Variants in ANTXR1 observed in about 807,000 individuals in gnomAD.
ANTXR1 encodes anthrax toxin receptor 1.
Under a neutral mutation model 78.1 loss-of-function variants are expected in ANTXR1, and 19 were observed. The observed-to-expected ratio is 0.24, with a 90% CI of 0.17 to 0.36. The LOEUF (loss-of-function observed/expected upper bound fraction) is 0.36. Among genes scored for constraint, ANTXR1 ranks in the 10% least tolerant of loss-of-function variants. The pLI, the probability that ANTXR1 is intolerant of heterozygous loss-of-function variation, is 1.00. For synonymous variants in ANTXR1, 273 were observed against 260.5 expected (o/e 1.05, Z -0.46); for missense variants, 518 against 718.6 (o/e 0.72, Z 3.19).
intron 17 of ANTXR1, among the ~76,000 whole-genome samples, chr2:69,239,547 C>T (rs904131888): frequency 1.3e-5 from 2 of 151,708 alleles, no homozygotes; most frequent in Non-Finnish European, 2.9e-5. Flanking sequence ...AGTGAGACTC[C>T]ATCTCAAAAA....
chr2:69,174,248 G>C (rs1026181732), intron 14 of ANTXR1, among the ~76,000 whole-genome samples: 2 of 152,154 alleles, frequency 1.3e-5, no homozygotes, highest in Non-Finnish European at 2.9e-5. Flanking sequence ...AATGTTTTTT[G>C]ATATTTAAAA....
intron 1 of ANTXR1, among the ~76,000 whole-genome samples, chr2:69,017,764 A>G (rs1310156387): frequency 6.6e-6 from 1 of 152,134 alleles, no homozygotes; most frequent in African/African-American, 2.4e-5. Flanking sequence ...GGGGATTTGA[A>G]AAGTTAGATT....
At chr2:69,086,056 A>AT (rs1671038872) in intron 8 of ANTXR1, among the ~76,000 whole-genome samples, 1 of 152,252 alleles carries the variant, frequency 6.6e-6, no homozygotes, top group Non-Finnish European at 1.5e-5. Flanking sequence ...TGTGAAAGCA[A>AT]AAGACACCTA....
chr2:69,018,487 CT>C (rs1300569504), intron 1 of ANTXR1, among the ~76,000 whole-genome samples: 2 of 152,044 alleles, frequency 1.3e-5, no homozygotes, highest in Non-Finnish European at 2.9e-5. Context: ...TGGCTTTTTT[CT>C]GGGAAAATAT....
intron 15 of ANTXR1, among the ~76,000 whole-genome samples, chr2:69,182,235 G>T (rs1038832416): frequency 6.6e-6 from 1 of 152,130 alleles, no homozygotes; most frequent in Non-Finnish European, 1.5e-5. Flanking sequence ...ACCTGAACCT[G>T]CAAGGTCTTT....
chr2:69,129,430 T>C (rs1359335523), intron 12 of ANTXR1, among the ~76,000 whole-genome samples: 3 of 152,118 alleles, frequency 2.0e-5, no homozygotes, highest in Admixed American at 1.3e-4. Context: ...TAAAATCCAG[T>C]TGGAGAAAGA....
intron 3 of ANTXR1, among the ~76,000 whole-genome samples, chr2:69,059,104 T>C (rs536113364): frequency 6.6e-6 from 1 of 152,342 alleles, no homozygotes; most frequent in African/African-American, 2.4e-5. Context: ...CTGGTGAAGA[T>C]GCTATGAACA....
chr2:69,080,951 T>G (rs1269091379), intron 8 of ANTXR1, among the ~76,000 whole-genome samples: 1 of 152,186 alleles, frequency 6.6e-6, no homozygotes, highest in Admixed American at 6.5e-5. Flanking sequence ...TAGGAAACTA[T>G]AGCTAGGTAC....
In ANTXR1 at chr2:69,013,569, A is replaced by G; in HGVS notation, c.70A>G (p.Ile24Val). ...QWLSLATLVL[I>V]CAGQGGRRED... is the part of the protein sequence containing the mutation. ...GCTCTCTTTGGCCACTCTGGTGCTC[A>G]TCTGCGCCGGGCAAGGGGGACGCAG... Residue 24 changes from isoleucine (I) to valine (V), a missense_variant, in exon 1 of 18, where the codon ATC becomes GTC. Transcript: ENST00000303714. The surrounding 1 kb of genome is among the most constrained non-coding windows in gnomAD (Gnocchi z 5.0). 1 of 1,574,204 alleles carries G rather than the reference A, an allele frequency of 6.4e-7. No individual in the cohort carries two copies. The highest frequency in any genetic ancestry group is 8.6e-7 in the Non-Finnish European group (1 of 1,159,932).
chr2:69,054,754 C>T (rs1044112458), intron 3 of ANTXR1, among the ~76,000 whole-genome samples: 3 of 152,098 alleles, frequency 2.0e-5, no homozygotes, highest in African/African-American at 7.2e-5. Flanking sequence ...AGACATAGTT[C>T]TAAAGGCCTT....
intron 9 of ANTXR1, among the ~76,000 whole-genome samples, chr2:69,098,634 T>C (rs1671505629): frequency 6.6e-6 from 1 of 151,718 alleles, no homozygotes; most frequent in Middle Eastern, 3.2e-3. Flanking sequence ...ACTGACCTTA[T>C]TTTTTCTTTT....
chr2:69,078,484 A>G (rs1670805834), intron 8 of ANTXR1, among the ~76,000 whole-genome samples: 1 of 152,186 alleles, frequency 6.6e-6, no homozygotes, highest in South Asian at 2.1e-4. Flanking sequence ...AGACCAACCC[A>G]GGAAAATTCC....
chr2:69,180,444 A>G (rs1304803953), intron 14 of ANTXR1, among the ~76,000 whole-genome samples: 1 of 152,188 alleles, frequency 6.6e-6, no homozygotes, highest in African/African-American at 2.4e-5. Context: ...TCCCCACAAC[A>G]AGAATAATTA....
intron 17 of ANTXR1, among the ~76,000 whole-genome samples, chr2:69,238,855 T>C (rs960994519): frequency 6.6e-6 from 1 of 152,194 alleles, no homozygotes; most frequent in South Asian, 2.1e-4. Context: ...AACTATTTGG[T>C]TTAATCTGTG....
At chr2:69,196,077 T>C (rs1674661619) in intron 17 of ANTXR1, among the ~76,000 whole-genome samples, 1 of 152,198 alleles carries the variant, frequency 6.6e-6, no homozygotes, top group African/African-American at 2.4e-5. Flanking sequence ...AACAATGGAA[T>C]GAAAATAAAT....
chr2:69,054,147 T>A (rs1457285845), intron 3 of ANTXR1, among the ~76,000 whole-genome samples: 1 of 149,006 alleles, frequency 6.7e-6, no homozygotes, highest in Non-Finnish European at 1.5e-5. Context: ...GTTTTGAGAA[T>A]TACATTTATT....
intron 1 of ANTXR1, among the ~76,000 whole-genome samples, chr2:69,028,946 A>G (rs1317651804): frequency 3.3e-5 from 5 of 152,014 alleles, no homozygotes; most frequent in Non-Finnish European, 7.4e-5. Context: ...GCTGGGTGCG[A>G]TGGCTCTCAC....
chr2:69,117,264 A>C (rs1322893508), intron 10 of ANTXR1, among the ~76,000 whole-genome samples: 1 of 152,210 alleles, frequency 6.6e-6, no homozygotes, highest in Non-Finnish European at 1.5e-5. Flanking sequence ...CTGGGCTTAC[A>C]CTGGGCAAGC....
Position 69,038,558 on chromosome 2 carries a change from A to G in ANTXR1, c.153-1486A>G, listed in dbSNP as rs147080966. Among the ~76,000 whole-genome samples, 15 of 152,390 alleles carry G rather than the reference A, an allele frequency of 9.8e-5. No individual in the cohort carries two copies. In the East Asian group the frequency reaches 2.9e-3, roughly 29 times the overall value. On this transcript the variant is annotated intron_variant, in intron 1 of 17. Coordinates refer to ENST00000303714, the MANE Select transcript of ANTXR1 (RefSeq NM_032208.3). ...TAATGAACACCCATGTGTTCTCCAC[A>G]TAAAATGAGCAAATGTTAACTTATT...
Sources: allele counts gnomAD v4.1 joint callset (sites outside exome capture counted in the v4.1 genomes callset), GRCh38; gene constraint gnomAD v4.1.1; non-coding constraint Gnocchi (gnomAD v3.1); transcripts MANE v1.5; gene names NCBI Gene and HGNC (gene_info 2026-07-23, HGNC 2026-07-21).